Variants in KANK1 observed in about 807,000 individuals in gnomAD.
KANK1 encodes the protein KN motif and ankyrin repeat domains 1.
Under a neutral mutation model 106.2 loss-of-function variants are expected in KANK1, and 109 were observed. The observed-to-expected ratio is 1.03, with a 90% CI of 0.88 to 1.20. The LOEUF (loss-of-function observed/expected upper bound fraction) is 1.20, where lower values mean the gene tolerates loss of function less well. Ranked by LOEUF, KANK1 falls within the 50% of genes most tolerant of loss-of-function variation. The pLI is 0.00. For synonymous variants in KANK1, 873 were observed against 652.2 expected (o/e 1.34, Z -5.16); for missense variants, 2,399 against 1,710.7 (o/e 1.40, Z -7.10).
chr9:585,919 TTA>T (rs1179507128), intron 1 of KANK1, among the ~76,000 whole-genome samples: 1 of 152,074 alleles, frequency 6.6e-6, no homozygotes, highest in African/African-American at 2.4e-5. Context: ...ACAGGGGAGT[TTA>T]TATGTGATGG....
At chr9:544,184 C>G (rs1207093652) in intron 1 of KANK1, among the ~76,000 whole-genome samples, 4 of 151,986 alleles carry the variant, frequency 2.6e-5, no homozygotes, top group African/African-American at 9.7e-5. Context: ...CCATACCCGG[C>G]TAATTTTTTT....
At chr9:702,106 T>A (rs1217824703) in intron 2 of KANK1, among the ~76,000 whole-genome samples, 1 of 152,202 alleles carries the variant, frequency 6.6e-6, no homozygotes, top group Non-Finnish European at 1.5e-5. Flanking sequence ...CTTGGAGAGT[T>A]TTCTTTAATC....
intron 1 of KANK1, among the ~76,000 whole-genome samples, chr9:655,451 CT>C (rs1287948639): frequency 6.6e-6 from 1 of 150,552 alleles, no homozygotes; most frequent in Non-Finnish European, 1.5e-5. Flanking sequence ...GGTTAGGAAG[CT>C]TAAGACTTGA....
At chr9:475,267 C>A (rs1031835748) in intron 3 of KANK1, among the ~76,000 whole-genome samples, 6 of 152,192 alleles carry the variant, frequency 3.9e-5, no homozygotes, top group Admixed American at 1.3e-4. Flanking sequence ...ACCATTCCAG[C>A]AAATACACTG....
At chr9:680,905 C>T (rs1323263) in intron 2 of KANK1, 50,227 of 152,090 alleles carry the variant, frequency 0.33, 8,827 homozygotes, top group Non-Finnish European at 0.39. Flanking sequence ...TGGTACAGTA[C>T]TGTTTTCATT....
At chr9:670,910 C>T (rs1346132226) in intron 1 of KANK1, among the ~76,000 whole-genome samples, 1 of 146,720 alleles carries the variant, frequency 6.8e-6, no homozygotes, top group African/African-American at 2.5e-5. Context: ...GGAAGGGTGT[C>T]ACAGATATGA....
chr9:536,504 G>C (rs35899524), intron 1 of KANK1, among the ~76,000 whole-genome samples: 271 of 152,280 alleles, frequency 1.8e-3, no homozygotes, highest in Middle Eastern at 6.8e-3. Flanking sequence ...TCTAGAGGTT[G>C]CCTGTATTCC....
At chr9:571,999 TC>T (rs1298544286) in intron 1 of KANK1, among the ~76,000 whole-genome samples, 1 of 152,168 alleles carries the variant, frequency 6.6e-6, no homozygotes, top group East Asian at 1.9e-4. Context: ...TGGTTGGGCA[TC>T]TTTTTCTGCC....
chr9:567,805 C>T (rs1818175433), intron 1 of KANK1, among the ~76,000 whole-genome samples: 1 of 152,130 alleles, frequency 6.6e-6, no homozygotes, highest in Non-Finnish European at 1.5e-5. Context: ...CCGAGCTTAT[C>T]AGAATTAGAG....
intron 1 of KANK1, among the ~76,000 whole-genome samples, chr9:599,126 C>T (rs768515706): frequency 3.3e-5 from 5 of 149,972 alleles, no homozygotes; most frequent in Non-Finnish European, 7.4e-5. Context: ...TCAAGCAATT[C>T]TCCTGCCTCA....
intron 1 of KANK1, among the ~76,000 whole-genome samples, chr9:663,765 T>C (rs1477231652): frequency 6.6e-6 from 1 of 152,202 alleles, no homozygotes; most frequent in African/African-American, 2.4e-5. Flanking sequence ...TCTGAAAGCA[T>C]TTGCAGGCTC....
rs190147363 is a variant in KANK1, at chr9:670,895, T to C, written c.-83-5995T>C. On this transcript the variant is annotated intron_variant, in intron 1 of 11. Transcript: ENST00000382297. The stretch of plus-strand genomic sequence containing the variant: ...TTACATGTGCTTGATACCAAGCAGA[T>C]TGGGGGAAGGGTGTCACAGATATGA... Among the ~76,000 whole-genome samples the C allele has an allele frequency of 2.7e-3, 406 of 151,500 alleles. 3 individuals are homozygous for C. The highest frequency in any genetic ancestry group is 6.8e-3 in the Middle Eastern group (2 of 294).
At chr9:619,411 G>A (rs940908875) in intron 1 of KANK1, among the ~76,000 whole-genome samples, 1 of 152,180 alleles carries the variant, frequency 6.6e-6, no homozygotes, top group Non-Finnish European at 1.5e-5. Flanking sequence ...CTTGGGATGG[G>A]TAGAGTATAA....
chr9:672,498 A>G (rs981240525), intron 1 of KANK1, among the ~76,000 whole-genome samples: 16 of 152,182 alleles, frequency 1.1e-4, no homozygotes, highest in South Asian at 4.1e-4. Flanking sequence ...TTATATTTCA[A>G]TAACTAATAG....
intron 7 of KANK1, among the ~76,000 whole-genome samples, chr9:737,012 G>T (rs1833978107): frequency 6.6e-6 from 1 of 152,142 alleles, no homozygotes; most frequent in Non-Finnish European, 1.5e-5. Flanking sequence ...ACTGTGATGG[G>T]TACATCTTTT....
intron 1 of KANK1, among the ~76,000 whole-genome samples, chr9:630,272 G>A (rs551448860): frequency 6.8e-6 from 1 of 146,416 alleles, no homozygotes; most frequent in Admixed American, 6.8e-5. Context: ...AAACGAGTTG[G>A]GGGGCAGGCA....
At chr9:634,234 G>A (rs531228277) in intron 1 of KANK1, among the ~76,000 whole-genome samples, 32 of 152,216 alleles carry the variant, frequency 2.1e-4, no homozygotes, top group African/African-American at 4.1e-4. Context: ...TTTGGTGAGC[G>A]GAGGACTTAG....
intron 1 of KANK1, among the ~76,000 whole-genome samples, chr9:552,187 G>C (rs2061323792): frequency 6.6e-6 from 1 of 152,222 alleles, no homozygotes; most frequent in Non-Finnish European, 1.5e-5. Context: ...CGGGTGCTCT[G>C]AGGGGGAAAA....
chr9:630,766 G>T (rs1242894374), intron 1 of KANK1, among the ~76,000 whole-genome samples: 1 of 151,800 alleles, frequency 6.6e-6, no homozygotes, highest in Non-Finnish European at 1.5e-5. Flanking sequence ...AGCCAGGTGT[G>T]GTGGCAGGCG....
Sources: allele counts gnomAD v4.1 joint callset (sites outside exome capture counted in the v4.1 genomes callset), GRCh38; gene constraint gnomAD v4.1.1; transcripts MANE v1.5; gene names NCBI Gene and HGNC (gene_info 2026-07-23, HGNC 2026-07-21).